PCDHA3: variants seen among roughly 807,000 people sequenced by gnomAD.
PCDHA3 encodes protocadherin alpha-3.
A neutral mutation model predicts 62.2 loss-of-function variants in PCDHA3; 41 were observed. That is an observed-to-expected ratio of 0.66 (90% CI 0.51 to 0.86). The LOEUF (loss-of-function observed/expected upper bound fraction) is 0.86, where lower values mean the gene tolerates loss of function less well. PCDHA3 is among the 40% of genes least tolerant of loss of function. The pLI is 0.00. For synonymous variants in PCDHA3, 640 were observed against 555.4 expected (o/e 1.15, Z -2.14); for missense variants, 1,304 against 1,241.2 (o/e 1.05, Z -0.76).
At chr5:140,914,059 G>A (rs2076582448) in intron 1 of PCDHA3, among the ~76,000 whole-genome samples, 1 of 152,202 alleles carries the variant, frequency 6.6e-6, no homozygotes, top group African/African-American at 2.4e-5. Flanking sequence ...GCTGTTGGAT[G>A]AAATGCTCCA....
At chr5:140,988,756 A>G (rs577332845) in intron 3 of PCDHA3, among the ~76,000 whole-genome samples, 170 of 152,318 alleles carry the variant, frequency 1.1e-3, no homozygotes, top group African/African-American at 4.0e-3. Flanking sequence ...TGGCCTGGGC[A>G]GAATACAGTC....
intron 1 of PCDHA3, chr5:140,928,259 A>G: frequency 6.2e-7 from 1 of 1,614,218 alleles, no homozygotes; most frequent in Non-Finnish European, 8.5e-7. Context: ...TTCGTTGCTG[A>G]AAACAATGGC....
intron 1 of PCDHA3, chr5:140,850,555 C>A (rs1562471328): frequency 6.3e-7 from 1 of 1,598,250 alleles, no homozygotes; most frequent in Non-Finnish European, 8.6e-7. Flanking sequence ...GTGGGTGCCA[C>A]GGGCCCCGAG....
intron 1 of PCDHA3, among the ~76,000 whole-genome samples, chr5:140,976,307 T>C (rs955106939): frequency 6.6e-6 from 1 of 152,100 alleles, no homozygotes; most frequent in African/African-American, 2.4e-5. Flanking sequence ...TCCCAGCACT[T>C]TGGGAGGCCG....
chr5:140,907,360 T>C (rs1241355980), intron 1 of PCDHA3, among the ~76,000 whole-genome samples: 1 of 152,186 alleles, frequency 6.6e-6, no homozygotes, highest in Admixed American at 6.5e-5. Flanking sequence ...TGCACTTCTT[T>C]AGTCGTAAAG....
chr5:140,939,311 C>A (rs972598257), intron 1 of PCDHA3, among the ~76,000 whole-genome samples: 1 of 152,130 alleles, frequency 6.6e-6, no homozygotes, highest in African/African-American at 2.4e-5. Flanking sequence ...AAAGCCCTAC[C>A]TCCTAATATC....
At chr5:140,893,229 G>A (rs922723551) in intron 1 of PCDHA3, among the ~76,000 whole-genome samples, 3 of 152,212 alleles carry the variant, frequency 2.0e-5, no homozygotes, top group Non-Finnish European at 4.4e-5. Context: ...GTATCACTTT[G>A]ACATACTGGT....
At chr5:140,822,968 C>A (rs2150120818) in intron 1 of PCDHA3, 1 of 1,614,232 alleles carries the variant, frequency 6.2e-7, no homozygotes, top group Non-Finnish European at 8.5e-7. Flanking sequence ...AAGCTGGTGT[C>A]CACCTTCAAG....
chr5:140,874,211 A>G (rs1257270226), intron 1 of PCDHA3, among the ~76,000 whole-genome samples: 1 of 152,220 alleles, frequency 6.6e-6, no homozygotes, highest in African/African-American at 2.4e-5. Context: ...CTTTATTATT[A>G]TATGCAGTAG....
intron 1 of PCDHA3, chr5:140,850,151 G>A (rs1554143863): frequency 3.1e-6 from 5 of 1,595,466 alleles, no homozygotes; most frequent in Admixed American, 1.7e-5. Flanking sequence ...TGACGCTGCA[G>A]GTGTTCGTGC....
chr5:140,884,688 CTTA>C (rs782481361), intron 1 of PCDHA3: 8 of 1,535,868 alleles, frequency 5.2e-6, no homozygotes, highest in Non-Finnish European at 8.8e-7. Flanking sequence ...AAAAAATTGT[CTTA>C]GTAAACACTT....
intron 1 of PCDHA3, among the ~76,000 whole-genome samples, chr5:140,924,643 C>G (rs2081929149): frequency 1.3e-5 from 2 of 152,196 alleles, no homozygotes; most frequent in Admixed American, 1.3e-4. Flanking sequence ...ACCTGTAATC[C>G]CAGCACTTTG....
At chr5:140,972,306 GT>G (rs2096530781) in intron 1 of PCDHA3, among the ~76,000 whole-genome samples, 1 of 150,488 alleles carries the variant, frequency 6.6e-6, no homozygotes, top group South Asian at 2.1e-4. Flanking sequence ...TGTCTGACTA[GT>G]TTTTAGGTGT....
At chr5:140,861,033 G>A (rs1443263351) in intron 1 of PCDHA3, 1 of 152,266 alleles carries the variant, frequency 6.6e-6, no homozygotes, top group Non-Finnish European at 1.5e-5. Flanking sequence ...CCGGCCGAAA[G>A]GTATTTTTTT....
intron 1 of PCDHA3, chr5:140,862,930 C>T (rs1581662470): frequency 1.8e-6 from 1 of 542,144 alleles, no homozygotes; most frequent in East Asian, 4.9e-5. Flanking sequence ...GGGCTGGCGG[C>T]GCTGTGAGTG....
intron 1 of PCDHA3, among the ~76,000 whole-genome samples, chr5:140,879,496 C>T (rs186624809): frequency 6.6e-6 from 1 of 152,204 alleles, no homozygotes; most frequent in Admixed American, 6.5e-5. Context: ...GGGTCTGGAT[C>T]TCAGAAGAGA....
intron 1 of PCDHA3, among the ~76,000 whole-genome samples, chr5:140,820,440 C>T (rs1360100180): frequency 3.3e-5 from 5 of 151,930 alleles, no homozygotes; most frequent in Non-Finnish European, 5.9e-5. Context: ...AATTGCTAAT[C>T]TCTTGGTCCC....
chr5:140,929,325 G>A (rs782073530), intron 1 of PCDHA3: 4 of 1,538,392 alleles, frequency 2.6e-6, no homozygotes, highest in Non-Finnish European at 3.5e-6. Flanking sequence ...TCAATGCCAT[G>A]GTAAGCAAAT....
chr5:140,864,404 G>A (rs2048464520), intron 1 of PCDHA3: 1 of 152,228 alleles, frequency 6.6e-6, no homozygotes. Flanking sequence ...GTGATGAGCA[G>A]GGTTGAGGCA....
Sources: allele counts gnomAD v4.1 joint callset (sites outside exome capture counted in the v4.1 genomes callset), GRCh38; gene constraint gnomAD v4.1.1; transcripts MANE v1.5; gene names NCBI Gene and HGNC (gene_info 2026-07-23, HGNC 2026-07-21).